Variants in ITIH2 observed in about 807,000 individuals in gnomAD.
The protein encoded by ITIH2 is inter-alpha-trypsin inhibitor heavy chain 2.
Under a neutral mutation model 104.4 loss-of-function variants are expected in ITIH2, and 103 were observed. That is an observed-to-expected ratio of 0.99 (90% CI 0.84 to 1.16). ITIH2 has a LOEUF of 1.16. Among genes scored for constraint, ITIH2 ranks in the 50% most tolerant of loss-of-function variants. The pLI is 0.00. For missense variants in ITIH2, 1,108 were observed against 1,162.4 expected, an observed-to-expected ratio of 0.95 and a Z score of 0.68; for synonymous variants, 436 against 435.4, an observed-to-expected ratio of 1.00 and a Z score of -0.02.
chr10:7,705,933 C>T (rs1834742949), intron 2 of ITIH2, among the ~76,000 whole-genome samples: 1 of 152,100 alleles, frequency 6.6e-6, no homozygotes, highest in Non-Finnish European at 1.5e-5. Context: ...CGGCCACCAG[C>T]AGCAGTATAG....
At chr10:7,738,487 T>G (rs1409316086) in intron 15 of ITIH2, 134 bp from the exon 16 acceptor site, 1 of 958,486 alleles carries the variant, frequency 1.0e-6, no homozygotes, top group African/African-American at 1.6e-5. Flanking sequence ...CCGAGAGAAC[T>G]CTGGAATAAA....
intron 8 of ITIH2, among the ~76,000 whole-genome samples, chr10:7,722,101 G>A (rs1834909607): frequency 6.6e-6 from 1 of 152,154 alleles, no homozygotes; most frequent in Non-Finnish European, 1.5e-5. Context: ...AGAAAGCACA[G>A]AGATTACGGG....
intron 20 of ITIH2, among the ~76,000 whole-genome samples, chr10:7,748,871 T>C (rs529714356): frequency 1.3e-4 from 20 of 152,132 alleles, no homozygotes; most frequent in African/African-American, 4.8e-4. Flanking sequence ...AAGTGACCTG[T>C]GAGGTCAGCC....
At chr10:7,743,587 A>G (rs1380905289) in intron 17 of ITIH2, among the ~76,000 whole-genome samples, 2 of 152,078 alleles carry the variant, frequency 1.3e-5, no homozygotes, top group Non-Finnish European at 2.9e-5. Flanking sequence ...CAGCCTGGTC[A>G]AAATGATGAA....
In ITIH2 at chr10:7,727,829, G is replaced by C. The variant is rs1189540904; in HGVS notation, c.1279+1G>C. 6.2e-7 allele frequency: 1 copy of C among 1,614,126 alleles called. No individual in the cohort carries two copies. Among genetic ancestry groups the C allele is most frequent in the South Asian group, 1.1e-5 (1 of 91,076 alleles). On this transcript the variant is annotated splice_donor_variant, in intron 11 of 20. Transcript: ENST00000358415. LOFTEE classifies it high-confidence loss of function. ...GTTTCTGATGGAGATCCAACAGTGG[G>C]CAAGTGTCACTTCAACCTTCTCACG...
At chr10:7,740,924 T>A (rs1428870001) in intron 16 of ITIH2, among the ~76,000 whole-genome samples, 1 of 152,186 alleles carries the variant, frequency 6.6e-6, no homozygotes. Context: ...TTCTGCCTGA[T>A]CAAAATGTCA....
chr10:7,747,619 G>A (rs1215854363), intron 20 of ITIH2, among the ~76,000 whole-genome samples: 1 of 152,194 alleles, frequency 6.6e-6, no homozygotes, highest in Non-Finnish European at 1.5e-5. Flanking sequence ...AGGCATGGTG[G>A]CTCATGCCTG....
In ITIH2 at chr10:7,727,627, G is replaced by A; in HGVS notation, c.1154-76G>A. The A allele has an allele frequency of 5.2e-6, 8 of 1,528,518 alleles. No individual in the cohort carries two copies. The Middle Eastern group carries it at 6.9e-4, about 132-fold the overall frequency. 94.7% of individuals were successfully genotyped at this position (1,528,518 alleles called of 1,614,324 possible). On this transcript the variant is annotated intron_variant, in intron 10 of 20. Transcript: ENST00000358415. ...ATGGATAAGTGATCAGCCGACATAT[G>A]AGTCTGAATCCAGAATGGGATTTTC...
At chr10:7,745,568 A>C (rs1835168283) in intron 19 of ITIH2, among the ~76,000 whole-genome samples, 2 of 151,828 alleles carry the variant, frequency 1.3e-5, no homozygotes, top group South Asian at 4.2e-4. Context: ...TGGGCACCCC[A>C]TCTCTACCAA....
chr10:7,720,766 C>A, intron 6 of ITIH2, 90 bp from the exon 7 acceptor site: 1 of 776,142 alleles, frequency 1.3e-6, no homozygotes, highest in Non-Finnish European at 2.2e-6. Flanking sequence ...AGGAGAAAAG[C>A]ATCAGAGGAC....
At position 7,734,987 on chromosome 10, in the gene ITIH2, A is replaced by T; in HGVS notation, c.1853A>T (p.Asp618Val). The change falls in exon 15 of 21, where the codon GAC (aspartate) becomes GTC (valine). Residue 618 changes from aspartate to valine, a missense_variant. By Grantham distance (152) the Asp-to-Val change is radical (BLOSUM62 -3). Coordinates refer to ENST00000358415, the MANE Select transcript of ITIH2 (RefSeq NM_002216.3). ...AGATCGATCCTGCAGATGTCTCTAG[A>T]CCACCACATTGTGACTCCGCTGACC... ...ITRSILQMSL[D>V]HHIVTPLTSL... The T allele has an allele frequency of 6.2e-7, 1 of 1,613,942 alleles. No homozygotes were observed. Among genetic ancestry groups the T allele is most frequent in the Non-Finnish European group, 8.5e-7 (1 of 1,180,012 alleles).
chr10:7,705,386 A>G (rs1273111270), intron 2 of ITIH2, among the ~76,000 whole-genome samples: 1 of 152,184 alleles, frequency 6.6e-6, no homozygotes, highest in Non-Finnish European at 1.5e-5. Context: ...AGCAGCCTTC[A>G]CACCATAATG....
At chr10:7,722,079 T>A (rs1369677559) in intron 8 of ITIH2, among the ~76,000 whole-genome samples, 1 of 152,038 alleles carries the variant, frequency 6.6e-6, no homozygotes, top group African/African-American at 2.4e-5. Flanking sequence ...CCCTTTGCAA[T>A]TAGACAATCA....
intron 8 of ITIH2, among the ~76,000 whole-genome samples, chr10:7,723,148 C>CGTGGCGTGGAGTGGAGTGGA (rs58517524): frequency 1.2e-4 from 17 of 139,618 alleles, no homozygotes; most frequent in Non-Finnish European, 2.0e-4. Flanking sequence ...CGTGGAGTGG[C>CGTGGCGTGGAGTGGAGTGGA]GTGGCGTGGA....
chr10:7,714,508 TTCC>T (rs1834829327), intron 5 of ITIH2, among the ~76,000 whole-genome samples: 1 of 152,048 alleles, frequency 6.6e-6, no homozygotes. Flanking sequence ...CCGTGTTTCT[TTCC>T]TCCTCTCCTC....
chr10:7,732,592 C>A, intron 14 of ITIH2, 115 bp downstream of exon 14: 1 of 1,115,464 alleles, frequency 9.0e-7, no homozygotes, highest in Non-Finnish European at 1.3e-6. Context: ...CACATTAGCA[C>A]AGGCTTGGAT....
chr10:7,737,679 T>TCTATATAATATTATATATTA (rs1835075014), intron 15 of ITIH2, among the ~76,000 whole-genome samples: 2 of 23,122 alleles, frequency 8.6e-5, no homozygotes, highest in African/African-American at 3.7e-4. Context: ...ATTCTATATT[T>TCTATATAATATTATATATTA]TCTATATTAT....
Position 7,738,628 on chromosome 10 carries a change from G to A in ITIH2, c.1965G>A (p.Leu655=). Residue 655 remains leucine (L), a synonymous_variant, in exon 16 of 21, where the codon CTG becomes CTA. Coordinates refer to ENST00000358415, the MANE Select transcript of ITIH2 (RefSeq NM_002216.3). Reference sequence around the variant, plus strand: ...GCAGGTTTGTCTACGCAGGGGCCCTGTATTACGGCAGCAAAGTGGTTCCAG... The same window carrying A: ...GCAGGTTTGTCTACGCAGGGGCCCTATATTACGGCAGCAAAGTGGTTCCAG... ...PQDPSCCSGA[L]YYGSKVVPDS... 1.9e-6 allele frequency: 3 copies of A among 1,613,940 alleles called. No homozygotes were observed. Among genetic ancestry groups the A allele is most frequent in the Non-Finnish European group, 2.5e-6 (3 of 1,179,932 alleles).
chr10:7,745,240 C>T (rs1263035217), intron 19 of ITIH2, among the ~76,000 whole-genome samples: 1 of 152,096 alleles, frequency 6.6e-6, no homozygotes. Context: ...TTTTTTCTAA[C>T]TGAAGCAAGA....
Sources: gnomAD v4.1 joint callset for allele counts (sites outside exome capture counted in the v4.1 genomes callset) on GRCh38, gnomAD v4.1.1 for gene constraint, MANE v1.5 for transcripts, NCBI Gene and HGNC (gene_info 2026-07-23, HGNC 2026-07-21) for gene names.